ATP8B4: variants seen among roughly 807,000 people sequenced by gnomAD.
ATP8B4 encodes the protein ATPase phospholipid transporting 8B4 (putative), also known as probable phospholipid-transporting ATPase IM.
ATP8B4 carries 133 observed loss-of-function variants against 145.6 expected under a neutral mutation model. The ratio of observed to expected loss-of-function variants is 0.91; its 90% confidence interval spans 0.79 to 1.05. ATP8B4 has a LOEUF of 1.05. ATP8B4 is among the 50% of genes least tolerant of loss of function. ATP8B4 has a pLI of 0.00. For synonymous variants in ATP8B4, 507 were observed against 492.9 expected (o/e 1.03, Z -0.38); for missense variants, 1,458 against 1,425.2 (o/e 1.02, Z -0.37).
At chr15:50,131,312 A>G (rs1370964442) in intron 1 of ATP8B4, among the ~76,000 whole-genome samples, 1 of 152,224 alleles carries the variant, frequency 6.6e-6, no homozygotes, top group Non-Finnish European at 1.5e-5. Context: ...AGTGCTTCAT[A>G]TATAGTAATT....
chr15:50,084,672 G>T (rs1407392482), intron 2 of ATP8B4, among the ~76,000 whole-genome samples: 1 of 152,122 alleles, frequency 6.6e-6, no homozygotes, highest in Admixed American at 6.5e-5. Flanking sequence ...GTCTTACAGG[G>T]CTAAAATTAA....
intron 1 of ATP8B4, among the ~76,000 whole-genome samples, chr15:50,133,896 G>A (rs1008526129): frequency 6.6e-6 from 1 of 152,108 alleles, no homozygotes. Context: ...AACACTTTGG[G>A]AGGCCAAGGC....
At chr15:50,048,936 G>T (rs2153610687) in intron 3 of ATP8B4, among the ~76,000 whole-genome samples, 2 of 152,236 alleles carry the variant, frequency 1.3e-5, no homozygotes, top group Middle Eastern at 3.4e-3. Flanking sequence ...AACAGTAAGG[G>T]AGGGTCCCAC....
intron 13 of ATP8B4, among the ~76,000 whole-genome samples, chr15:49,970,229 T>C (rs551627912): frequency 2.0e-5 from 3 of 152,304 alleles, no homozygotes; most frequent in East Asian, 1.9e-4. Context: ...GGATGCTCTC[T>C]CTCGCCACTT....
intron 1 of ATP8B4, among the ~76,000 whole-genome samples, chr15:50,118,480 A>C (rs1328543249): frequency 6.6e-6 from 1 of 152,212 alleles, no homozygotes; most frequent in Non-Finnish European, 1.5e-5. Context: ...CCCACAAGAA[A>C]ACCTGTGTTT....
intron 1 of ATP8B4, among the ~76,000 whole-genome samples, chr15:50,114,103 C>CTTTTTTGTTTTTTTT (rs2057081416): frequency 1.8e-5 from 1 of 55,642 alleles, no homozygotes; most frequent in Non-Finnish European, 3.1e-5. Context: ...CTCCTAGTTT[C>CTTTTTTGTTTTTTTT]TTTTTTTTTT....
chr15:50,002,661 G>A (rs2047989807), intron 7 of ATP8B4, among the ~76,000 whole-genome samples: 1 of 151,346 alleles, frequency 6.6e-6, no homozygotes, highest in Non-Finnish European at 1.5e-5. Flanking sequence ...AATAGATGGA[G>A]GAAACTGAAA....
chr15:49,897,962 C>A, intron 22 of ATP8B4, 106 bp downstream of exon 22: 1 of 1,259,388 alleles, frequency 7.9e-7, no homozygotes, highest in Non-Finnish European at 1.1e-6. Flanking sequence ...TTTAGAATCA[C>A]TGGCAAAATT....
At chr15:50,126,149 C>T (rs1466117705) in intron 1 of ATP8B4, among the ~76,000 whole-genome samples, 1 of 148,432 alleles carries the variant, frequency 6.7e-6, no homozygotes, top group East Asian at 2.0e-4. Context: ...GGAGGTGTCA[C>T]GGGAAACCCT....
At chr15:50,092,293 C>T (rs139740674) in intron 2 of ATP8B4, among the ~76,000 whole-genome samples, 1 of 152,164 alleles carries the variant, frequency 6.6e-6, no homozygotes, top group Admixed American at 6.6e-5. Flanking sequence ...GTAAATCCTC[C>T]TGAAGGAAGA....
At chr15:50,044,279 G>A (rs2051548742) in intron 5 of ATP8B4, among the ~76,000 whole-genome samples, 1 of 152,320 alleles carries the variant, frequency 6.6e-6, no homozygotes, top group Non-Finnish European at 1.5e-5. Context: ...ACTTCACTGA[G>A]TGAATGCAGG....
At chr15:50,109,662 C>A (rs191959384) in intron 1 of ATP8B4, among the ~76,000 whole-genome samples, 24 of 151,600 alleles carry the variant, frequency 1.6e-4, no homozygotes, top group African/African-American at 5.8e-4. Context: ...GACTCTACAC[C>A]CAAACAGCGG....
intron 14 of ATP8B4, 33 bp downstream of exon 14, chr15:49,961,943 TA>T: frequency 1.3e-6 from 2 of 1,541,092 alleles, no homozygotes; most frequent in Non-Finnish European, 1.8e-6. Flanking sequence ...AATTTGAAAT[TA>T]AAACTAAGAA....
chr15:49,901,504 A>G (rs1267740601), intron 20 of ATP8B4, among the ~76,000 whole-genome samples: 6 of 152,166 alleles, frequency 3.9e-5, no homozygotes, highest in African/African-American at 1.2e-4. Context: ...CTAAATCACC[A>G]TCTTGAGCTG....
At chr15:50,039,743 G>A (rs1361089617) in intron 5 of ATP8B4, among the ~76,000 whole-genome samples, 2 of 151,354 alleles carry the variant, frequency 1.3e-5, no homozygotes, top group Non-Finnish European at 2.9e-5. Flanking sequence ...AATACAAAAT[G>A]TTGTGTCAAA....
intron 24 of ATP8B4, among the ~76,000 whole-genome samples, chr15:49,878,573 C>A (rs2153400932): frequency 6.6e-6 from 1 of 152,230 alleles, no homozygotes; most frequent in Middle Eastern, 3.4e-3. Context: ...CTAATTGTGC[C>A]ACGGAAATTC....
rs534226985 is a variant in ATP8B4 at position 49,908,359 on chromosome 15, A to G, written c.2142-7120T>C. The stretch of plus-strand genomic sequence containing the variant: ...TCATACTTCAAATATGTCATCTAAG[A>G]GAAAATATTGGAGTTCAAGAGAGAA... On this transcript the variant is annotated intron_variant, in intron 20 of 27. Transcript: ENST00000284509. Among the ~76,000 whole-genome samples, 22 of 152,312 alleles carry G rather than the reference A, an allele frequency of 1.4e-4. No individual in the cohort carries two copies. In the South Asian group the frequency reaches 4.6e-3, roughly 32 times the overall value.
At chr15:49,870,920 G>A (rs977728497) in intron 25 of ATP8B4, among the ~76,000 whole-genome samples, 2 of 152,186 alleles carry the variant, frequency 1.3e-5, no homozygotes, top group African/African-American at 2.4e-5. Context: ...TCTATTAACC[G>A]TTTGTCTCCC....
chr15:50,040,023 A>C (rs1232006761), intron 5 of ATP8B4, among the ~76,000 whole-genome samples: 1 of 152,234 alleles, frequency 6.6e-6, no homozygotes, highest in African/African-American at 2.4e-5. Flanking sequence ...GAACAACAGA[A>C]ATGGAAACAT....
Sources: gnomAD v4.1 joint callset for allele counts (sites outside exome capture counted in the v4.1 genomes callset) on GRCh38, gnomAD v4.1.1 for gene constraint, MANE v1.5 for transcripts, NCBI Gene and HGNC (gene_info 2026-07-23, HGNC 2026-07-21) for gene names.